The following POLR1E variants were observed in gnomAD, a reference collection of about 807,000 sequenced individuals.
POLR1E encodes the protein DNA-directed RNA polymerase I subunit RPA49.
In POLR1E, 37 loss-of-function variants were observed where a neutral mutation model predicts 50.9. That is an observed-to-expected ratio of 0.73 (90% CI 0.56 to 0.96). The LOEUF (loss-of-function observed/expected upper bound fraction) is 0.96, where lower values mean the gene tolerates loss of function less well. Among genes scored for constraint, POLR1E ranks in the 40% least tolerant of loss-of-function variants. The pLI is 0.00. For missense variants in POLR1E, 426 were observed against 518.1 expected, an observed-to-expected ratio of 0.82 and a Z score of 1.73; for synonymous variants, 166 against 191.6, an observed-to-expected ratio of 0.87 and a Z score of 1.10.
chr9:37,502,247 A>G (rs1404855096), intron 11 of POLR1E, among the ~76,000 whole-genome samples: 1 of 152,182 alleles, frequency 6.6e-6, no homozygotes, highest in Non-Finnish European at 1.5e-5. Flanking sequence ...GGGATTCTGT[A>G]TGGTTCTGAG....
At chr9:37,486,580 C>T (rs1435445379) in intron 1 of POLR1E, 123 bp from the exon 2 acceptor site, 2 of 1,610,350 alleles carry the variant, frequency 1.2e-6, no homozygotes, top group South Asian at 2.2e-5. Context: ...GGTCAGGACC[C>T]GAGCTTCCTT....
chr9:37,485,982 G>T lies in POLR1E; in HGVS notation c.-66G>T. 1 of 1,555,762 alleles carries T rather than the reference G, an allele frequency of 6.4e-7. No homozygotes were observed. Among genetic ancestry groups the T allele is most frequent in the Admixed American group, 1.9e-5 (1 of 51,282 alleles). ...CCCGCAGCGCGGCCTGGGCTCCCGC[G>T]TGTTTAAAAGTGCGCTTGTGGCTGC... On this transcript the variant is annotated 5_prime_UTR_variant, in exon 1 of 12. Coordinates refer to ENST00000377798, the MANE Select transcript of POLR1E (RefSeq NM_022490.4).
chr9:37,486,745 G>A lies in POLR1E; in HGVS notation c.119G>A (p.Arg40His), dbSNP rs751337591. ...NGKLQSPGNM[R>H]FTLYENKDST... is the part of the protein sequence containing the mutation. ...AAGCTACAGAGTCCAGGCAACATGC[G>A]CTTTACCTTGTATGAGAACAAAGAT... The change falls in exon 2 of 12, where the codon CGC (arginine) becomes CAC (histidine). Residue 40 changes from arginine to histidine, a missense_variant. Coordinates refer to ENST00000377798, the MANE Select transcript of POLR1E (RefSeq NM_022490.4). 3.7e-6 allele frequency: 6 copies of A among 1,614,172 alleles called. No individual in the cohort carries two copies. The highest frequency in any genetic ancestry group is 2.2e-5 in the East Asian group (1 of 44,894).
chr9:37,486,925 A>G, intron 2 of POLR1E, 119 bp downstream of exon 2: 4 of 1,174,092 alleles, frequency 3.4e-6, no homozygotes, highest in Non-Finnish European at 4.7e-6. Flanking sequence ...TGGAGCTTTG[A>G]AGAACTCTGA....
chr9:37,495,637 G>T (rs10973369), intron 7 of POLR1E, among the ~76,000 whole-genome samples: 1 of 152,064 alleles, frequency 6.6e-6, no homozygotes, highest in South Asian at 2.1e-4. Flanking sequence ...CACCACCCAA[G>T]GGGTCCGGTC....
Position 37,498,075 on chromosome 9 carries a change from CTTTTCCTTG to C in POLR1E, c.753-11_753-3del. ...CTTACCCTGACACAGGCCTCCTTTTCTTTTCCTTGTTTTAGCCATTGCACCTTTGTCATA... is the reference window on the plus strand; with the variant it reads ...CTTACCCTGACACAGGCCTCCTTTTCTTTTAGCCATTGCACCTTTGTCATA... On this transcript the variant is annotated splice_region_variant and splice_polypyrimidine_tract_variant and intron_variant, in intron 8 of 11. Transcript: ENST00000377798. 1 of 1,610,152 alleles carries C rather than the reference CTTTTCCTTG, an allele frequency of 6.2e-7. No individual in the cohort carries two copies. Among genetic ancestry groups the C allele is most frequent in the East Asian group, 2.2e-5 (1 of 44,828 alleles).
At chr9:37,490,999 G>T in intron 4 of POLR1E, 2 of 282,816 alleles carry the variant, frequency 7.1e-6, no homozygotes, top group East Asian at 8.6e-5. Context: ...GGTAGACAAA[G>T]GAAATTGCTT....
rs1291993272 is a variant in POLR1E at position 37,487,751 on chromosome 9, T to C, written c.181-112T>C. The stretch of plus-strand genomic sequence containing the variant: ...TCATCTGCCAGAGATGAACTAGTTC[T>C]AATCCATTGTGAGTCTGGATTCAAA... On this transcript the variant is annotated intron_variant, in intron 2 of 11. Transcript: ENST00000377798. 4.1e-6 allele frequency: 4 copies of C among 980,588 alleles called. No individual in the cohort carries two copies. The Admixed American group carries it at 5.4e-5, about 13-fold the overall frequency. The allele number at this position is 980,588 out of a possible 1,614,324, so 60.7% of individuals were successfully genotyped here.
chr9:37,485,980 G>T lies in POLR1E; in HGVS notation c.-68G>T. On this transcript the variant is annotated 5_prime_UTR_variant, in exon 1 of 12. Coordinates refer to ENST00000377798, the MANE Select transcript of POLR1E (RefSeq NM_022490.4). ...GGCCCGCAGCGCGGCCTGGGCTCCC[G>T]CGTGTTTAAAAGTGCGCTTGTGGCT... The T allele has an allele frequency of 6.4e-7, 1 of 1,552,492 alleles. No homozygotes were observed. Among genetic ancestry groups the T allele is most frequent in the South Asian group, 1.2e-5 (1 of 84,534 alleles).
In POLR1E at chr9:37,503,367, A is replaced by C; in HGVS notation, c.*165A>C. The C allele has an allele frequency of 1.2e-6, 1 of 812,226 alleles. No individual in the cohort carries two copies. The highest frequency in any genetic ancestry group is 1.8e-6 in the Non-Finnish European group (1 of 554,450). The allele number at this position is 812,226 out of a possible 1,614,324, so 50.3% of individuals were successfully genotyped here. A position where few individuals can be genotyped will look rare whatever the true frequency, so the allele number is the denominator to read the frequency against. On this transcript the variant is annotated 3_prime_UTR_variant, in exon 12 of 12. Coordinates refer to ENST00000377798, the MANE Select transcript of POLR1E (RefSeq NM_022490.4). ...CCGAGGCAGGAAGATCATTGAGCTC[A>C]GGAGTTTGAAACCAGTCTGGACAAC... is the stretch of plus-strand genomic sequence containing the variant.
chr9:37,503,637 C>T lies in POLR1E; in HGVS notation c.*435C>T, dbSNP rs946949174. 1.3e-5 allele frequency: 2 copies of T among 153,382 alleles called. No homozygotes were observed. Among genetic ancestry groups the T allele is most frequent in the African/African-American group, 2.4e-5 (1 of 41,468 alleles). 9.5% of individuals were successfully genotyped at this position (153,382 alleles called of 1,614,324 possible). ...TTAGCACAGGTATGAAGCCAGAAGC[C>T]AGCATCTCAACTGTGCTTGTCTTAT... On this transcript the variant is annotated 3_prime_UTR_variant, in exon 12 of 12. Coordinates refer to ENST00000377798, the MANE Select transcript of POLR1E (RefSeq NM_022490.4).
intron 8 of POLR1E, among the ~76,000 whole-genome samples, chr9:37,496,623 C>CTTTTTTTTTTT (rs376455174): frequency 8.9e-6 from 1 of 112,480 alleles, no homozygotes; most frequent in African/African-American, 3.4e-5. Context: ...ATTATTATTT[C>CTTTTTTTTTTT]TTTTTTTTTT....
chr9:37,495,338 G>A, intron 7 of POLR1E, 62 bp downstream of exon 7: 2 of 1,345,322 alleles, frequency 1.5e-6, no homozygotes, highest in African/African-American at 1.4e-5. Flanking sequence ...GCACGTGTGT[G>A]CAGTCAGGTT....
In POLR1E at chr9:37,492,642, TG is replaced by T; in HGVS notation, c.344-14del. 8 of 1,613,290 alleles carry T rather than the reference TG, an allele frequency of 5.0e-6. No homozygotes were observed. The highest frequency in any genetic ancestry group is 5.9e-6 in the Non-Finnish European group (7 of 1,179,340). Reference sequence around the variant, plus strand: ...ATTGACTTTTCTTTCTCTCTGTTTTTGTGTGTTTTGATAGATGTATCAGTTG... The same window carrying T: ...ATTGACTTTTCTTTCTCTCTGTTTTTTGTGTTTTGATAGATGTATCAGTTG... On this transcript the variant is annotated splice_polypyrimidine_tract_variant and intron_variant, in intron 4 of 11. Coordinates refer to ENST00000377798, the MANE Select transcript of POLR1E (RefSeq NM_022490.4).
chr9:37,494,889 G>A (rs1210692739), intron 6 of POLR1E, among the ~76,000 whole-genome samples: 1 of 152,214 alleles, frequency 6.6e-6, no homozygotes, highest in East Asian at 1.9e-4. Flanking sequence ...TATTGTAAAT[G>A]TTTATGTATT....
intron 4 of POLR1E, chr9:37,492,135 CA>C (rs1163933367): frequency 7.8e-6 from 4 of 511,348 alleles, no homozygotes; most frequent in South Asian, 2.1e-5. Context: ...ATGACCTTAT[CA>C]GGGGTGATGG....
chr9:37,499,083 A>G (rs7850367), intron 9 of POLR1E, among the ~76,000 whole-genome samples: 3,507 of 152,310 alleles, frequency 0.023, 123 homozygotes, highest in African/African-American at 0.08. Context: ...TGGTATTTGT[A>G]TATCTAAATA....
chr9:37,485,992 G>A lies in POLR1E; in HGVS notation c.-56G>A. 3 of 1,569,380 alleles carry A rather than the reference G, an allele frequency of 1.9e-6. No individual in the cohort carries two copies. The highest frequency in any genetic ancestry group is 2.6e-6 in the Non-Finnish European group (3 of 1,157,116). On this transcript the variant is annotated 5_prime_UTR_variant, in exon 1 of 12. The change creates a new upstream start codon in the 5' untranslated region. Transcript: ENST00000377798. ...GGCCTGGGCTCCCGCGTGTTTAAAAGTGCGCTTGTGGCTGCTGCTGTCTTA... is the reference window on the plus strand; with the variant it reads ...GGCCTGGGCTCCCGCGTGTTTAAAAATGCGCTTGTGGCTGCTGCTGTCTTA...
chr9:37,492,262 A>G (rs1750643723), intron 4 of POLR1E: 7 of 1,290,120 alleles, frequency 5.4e-6, no homozygotes, highest in Non-Finnish European at 6.1e-6. Flanking sequence ...CACATACCTC[A>G]TGTTTATGCC....
Sources: gnomAD v4.1 joint callset for allele counts (sites outside exome capture counted in the v4.1 genomes callset) on GRCh38, gnomAD v4.1.1 for gene constraint, MANE v1.5 for transcripts, NCBI Gene and HGNC (gene_info 2026-07-23, HGNC 2026-07-21) for gene names.